Variants in ALDH1L1 observed in about 807,000 individuals in gnomAD.
The protein encoded by ALDH1L1 is aldehyde dehydrogenase 1 family member L1, also known as cytosolic 10-formyltetrahydrofolate dehydrogenase.
Under a neutral mutation model 101.1 loss-of-function variants are expected in ALDH1L1, and 68 were observed. The ratio of observed to expected loss-of-function variants is 0.67; its 90% confidence interval spans 0.55 to 0.82. The LOEUF (loss-of-function observed/expected upper bound fraction) is 0.82. ALDH1L1 is among the 40% of genes least tolerant of loss of function. The pLI, the probability that ALDH1L1 is intolerant of heterozygous loss-of-function variation, is 0.00. For synonymous variants in ALDH1L1, 486 were observed against 470.8 expected (o/e 1.03, Z -0.42); for missense variants, 1,087 against 1,172.7 (o/e 0.93, Z 1.07).
intron 6 of ALDH1L1, among the ~76,000 whole-genome samples, chr3:126,154,011 G>A (rs2080857965): frequency 6.6e-6 from 1 of 152,260 alleles, no homozygotes; most frequent in African/African-American, 2.4e-5. Flanking sequence ...TCTGGCCACA[G>A]TCTGGGCAGT....
rs144344077 is a variant in ALDH1L1 at position 126,124,488 on chromosome 3, G to C, written c.1801-37C>G. The C allele has an allele frequency of 1.7e-4, 273 of 1,578,592 alleles. 1 individual carries two copies. The highest frequency in any genetic ancestry group is 3.3e-4 in the Middle Eastern group (2 of 5,982). ...GCCAGGAAAGGAGACTGGGTAAGGAGGTTTTTGAAAGTGGGGCTCTGCCTT... is the reference window on the plus strand; with the variant it reads ...GCCAGGAAAGGAGACTGGGTAAGGACGTTTTTGAAAGTGGGGCTCTGCCTT... On this transcript the variant is annotated intron_variant, in intron 15 of 22. Transcript: ENST00000393434.
intron 19 of ALDH1L1, among the ~76,000 whole-genome samples, chr3:126,111,391 A>C (rs931163529): frequency 6.6e-6 from 1 of 152,252 alleles, no homozygotes; most frequent in African/African-American, 2.4e-5. Context: ...GGGCAACGAC[A>C]GCTGTCCCAC....
chr3:126,153,585 TC>T lies in ALDH1L1; in HGVS notation c.721-5del. The T allele has an allele frequency of 6.2e-7, 1 of 1,610,310 alleles. No homozygotes were observed. Among genetic ancestry groups the T allele is most frequent in the Non-Finnish European group, 8.5e-7 (1 of 1,177,398 alleles). ...TTGAGTTGAAAAATGTCAGTTTCTGTCAAGGGGAGAAATATCAGAAGATGGT... is the reference window on the plus strand; with the variant it reads ...TTGAGTTGAAAAATGTCAGTTTCTGTAAGGGGAGAAATATCAGAAGATGGT... On this transcript the variant is annotated splice_region_variant and splice_polypyrimidine_tract_variant and intron_variant, in intron 6 of 22. Coordinates refer to ENST00000393434, the MANE Select transcript of ALDH1L1 (RefSeq NM_012190.4).
intron 8 of ALDH1L1, 40 bp from the exon 9 acceptor site, chr3:126,146,966 G>C: frequency 6.3e-7 from 1 of 1,587,952 alleles, no homozygotes; most frequent in Non-Finnish European, 8.6e-7. Context: ...CCCCAGGGGA[G>C]CTGGGGACAA....
chr3:126,150,477 A>G lies in ALDH1L1; in HGVS notation c.913T>C (p.Phe305Leu). 1 of 1,551,612 alleles carries G rather than the reference A, an allele frequency of 6.4e-7. No individual in the cohort carries two copies. Among genetic ancestry groups the G allele is most frequent in the Non-Finnish European group, 8.7e-7 (1 of 1,146,940 alleles). The change falls in exon 8 of 23, where the codon TTC becomes CTC. Residue 305 changes from phenylalanine to leucine, a missense_variant. Phe to Leu is a conservative substitution (Grantham distance 22). Around this residue, in one of 2 missense-constraint regions of ALDH1L1, gnomAD observed 645 missense variants for 637.0 expected, o/e 1.01. Coordinates refer to ENST00000393434, the MANE Select transcript of ALDH1L1 (RefSeq NM_012190.4). ...EDGKMILASN[F>L]FKGAASSVLE... ...ACACTGCTGGCTGCCCCCTTAAAGA[A>G]GTTCGAGGCCAGGATCATTTTGCCA...
intron 1 of ALDH1L1, among the ~76,000 whole-genome samples, chr3:126,171,114 C>G (rs566270565): frequency 1.3e-5 from 2 of 152,194 alleles, no homozygotes; most frequent in East Asian, 1.9e-4. Context: ...CTGGCTAACA[C>G]GGTGAAACCC....
chr3:126,119,000 A>C (rs1038680779), intron 16 of ALDH1L1, among the ~76,000 whole-genome samples: 2 of 152,084 alleles, frequency 1.3e-5, no homozygotes, highest in Non-Finnish European at 2.9e-5. Context: ...GACTCAGCGT[A>C]GCTCCCCACT....
intron 3 of ALDH1L1, among the ~76,000 whole-genome samples, 194 bp downstream of exon 3, chr3:126,158,211 T>C (rs2108296508): frequency 6.6e-6 from 1 of 152,306 alleles, no homozygotes; most frequent in African/African-American, 2.4e-5. Flanking sequence ...CTGCTCCCAG[T>C]GCTCTAGAGC....
intron 1 of ALDH1L1, among the ~76,000 whole-genome samples, chr3:126,196,067 A>G (rs1245031150): frequency 6.6e-6 from 1 of 152,170 alleles, no homozygotes; most frequent in Non-Finnish European, 1.5e-5. Flanking sequence ...CATATGTAAC[A>G]AACCTGCACA....
At chr3:126,118,998 G>A (rs922664170) in intron 16 of ALDH1L1, among the ~76,000 whole-genome samples, 7 of 152,158 alleles carry the variant, frequency 4.6e-5, no homozygotes, top group South Asian at 2.1e-4. Flanking sequence ...CAGACTCAGC[G>A]TAGCTCCCCA....
At chr3:126,135,488 A>G in intron 12 of ALDH1L1, 47 bp downstream of exon 12, 1 of 1,583,300 alleles carries the variant, frequency 6.3e-7, no homozygotes, top group Non-Finnish European at 8.5e-7. Context: ...GCCACTGCCC[A>G]GAAGCTGATG....
rs531181886 is a variant in ALDH1L1, at chr3:126,124,676, G to A, written c.1801-225C>T. Among the ~76,000 whole-genome samples, 104 of 152,206 alleles carry A rather than the reference G, an allele frequency of 6.8e-4. 2 individuals are homozygous for A. Among genetic ancestry groups the A allele is most frequent in the Non-Finnish European group, 1.3e-3 (90 of 68,034 alleles). On this transcript the variant is annotated intron_variant, in intron 15 of 22. Transcript: ENST00000393434. ...GAATCAGGGTGGGCCAACATCTGGT[G>A]CCCTAGCTTCTCCTCCTGGCAGGGC... is the stretch of plus-strand genomic sequence containing the variant.
At position 126,122,109 on chromosome 3, in the gene ALDH1L1, A is replaced by C. The variant is rs185553462; in HGVS notation, c.1888+2255T>G. Reference sequence around the variant, plus strand: ...AGCAATACTGTGTTTCAAAAAGCAGAGGCAAATAAGGATATTGCCAGATAA... The same window carrying C: ...AGCAATACTGTGTTTCAAAAAGCAGCGGCAAATAAGGATATTGCCAGATAA... On this transcript the variant is annotated intron_variant, in intron 16 of 22. Coordinates refer to ENST00000393434, the MANE Select transcript of ALDH1L1 (RefSeq NM_012190.4). 6.6e-5 allele frequency among the ~76,000 whole-genome samples: 10 copies of C among 152,346 alleles called. No homozygotes were observed. The East Asian group carries it at 1.9e-3, about 29-fold the overall frequency.
At chr3:126,130,685 C>G (rs1172442797) in intron 13 of ALDH1L1, among the ~76,000 whole-genome samples, 2 of 152,180 alleles carry the variant, frequency 1.3e-5, no homozygotes, top group Non-Finnish European at 2.9e-5. Context: ...GGGCGGGCAC[C>G]AGGCAGCCCA....
At position 126,146,907 on chromosome 3, in the gene ALDH1L1, AGGATCC is replaced by A. The variant is rs2080700425; in HGVS notation, c.998_1003del (p.Arg333_Ile334del). 1 of 1,613,788 alleles carries A rather than the reference AGGATCC, an allele frequency of 6.2e-7. No homozygotes were observed. Among genetic ancestry groups the A allele is most frequent in the Admixed American group, 1.7e-5 (1 of 59,996 alleles). On this transcript the variant is annotated inframe_deletion, in exon 9 of 23. Transcript: ENST00000393434. ...GTCTTCAACCTCCAGGACTTTGGGG[AGGATCC>A]GCTGCCAAACACTCTGCAAAGCAAG...
intron 1 of ALDH1L1, among the ~76,000 whole-genome samples, chr3:126,188,945 GT>G (rs113853163): frequency 1.6e-4 from 24 of 151,888 alleles, no homozygotes; most frequent in African/African-American, 5.8e-4. Context: ...CCTGTTTGTT[GT>G]TTTTTTGTGA....
intron 17 of ALDH1L1, among the ~76,000 whole-genome samples, chr3:126,116,418 T>C (rs1456878894): frequency 1.3e-5 from 2 of 151,974 alleles, no homozygotes; most frequent in Non-Finnish European, 2.9e-5. Context: ...GAACTACATA[T>C]TGATGGTAAA....
upstream of ALDH1L1, among the ~76,000 whole-genome samples, chr3:126,184,236 C>G (rs1169600337): frequency 6.6e-6 from 1 of 152,210 alleles, no homozygotes; most frequent in Non-Finnish European, 1.5e-5. Context: ...TTTGCCAGTT[C>G]AGTTCACTGT....
At chr3:126,164,897 T>C (rs1391502785) in intron 1 of ALDH1L1, among the ~76,000 whole-genome samples, 1 of 152,236 alleles carries the variant, frequency 6.6e-6, no homozygotes. Flanking sequence ...TATTGACTTT[T>C]TAGTAATAGC....
Sources: allele counts gnomAD v4.1 joint callset (sites outside exome capture counted in the v4.1 genomes callset), GRCh38; gene constraint gnomAD v4.1.1; regional missense constraint gnomAD v4.1.1; transcripts MANE v1.5; gene names NCBI Gene and HGNC (gene_info 2026-07-23, HGNC 2026-07-21).